The following KIAA1328 variants were observed in gnomAD, a reference collection of about 807,000 sequenced individuals.
KIAA1328 encodes the protein protein hinderin.
Under a neutral mutation model 68.1 loss-of-function variants are expected in KIAA1328, and 52 were observed. That is an observed-to-expected ratio of 0.76 (90% CI 0.61 to 0.96). The LOEUF (loss-of-function observed/expected upper bound fraction) is 0.96. Ranked by LOEUF, KIAA1328 falls within the 40% of genes least tolerant of loss-of-function variation. The pLI is 0.00. For missense variants in KIAA1328, 641 were observed against 677.6 expected, an observed-to-expected ratio of 0.95 and a Z score of 0.60; for synonymous variants, 232 against 239.4, an observed-to-expected ratio of 0.97 and a Z score of 0.28.
chr18:36,852,430 T>A (rs2047242603), intron 4 of KIAA1328, among the ~76,000 whole-genome samples: 1 of 152,196 alleles, frequency 6.6e-6, no homozygotes, highest in Admixed American at 6.5e-5. Context: ...GTTAGCAAAC[T>A]GACAAACTGC....
intron 5 of KIAA1328, among the ~76,000 whole-genome samples, chr18:36,933,289 T>TGCG (rs1556826189): frequency 3.9e-5 from 6 of 152,102 alleles, no homozygotes; most frequent in African/African-American, 1.4e-4. Flanking sequence ...AGCCCTGCTC[T>TGCG]GTGGTGGTGG....
rs1025799676 is a variant in KIAA1328, at chr18:37,030,023, C to T, written c.577-36867C>T. On this transcript the variant is annotated intron_variant, in intron 6 of 9. Coordinates refer to ENST00000280020, the MANE Select transcript of KIAA1328 (RefSeq NM_020776.3). Reference sequence around the variant, plus strand: ...AGCATGCATAACATTCCTTTATTATCTTAATATCTGTGGCACTTGTATCTA... The same window carrying T: ...AGCATGCATAACATTCCTTTATTATTTTAATATCTGTGGCACTTGTATCTA... Among the ~76,000 whole-genome samples the T allele has an allele frequency of 3.2e-4, 48 of 152,184 alleles. 1 individual carries two copies. The highest frequency in any genetic ancestry group is 1.1e-3 in the African/African-American group (47 of 41,546).
At chr18:37,150,436 T>C (rs1265742495) in intron 7 of KIAA1328, among the ~76,000 whole-genome samples, 1 of 152,100 alleles carries the variant, frequency 6.6e-6, no homozygotes, top group Non-Finnish European at 1.5e-5. Context: ...CCTACCACAC[T>C]TGAGAACCAC....
In KIAA1328 at chr18:36,829,189, C is replaced by T. The variant is rs2046358136; in HGVS notation, c.51C>T (p.Ser17=). 2.0e-6 allele frequency: 3 copies of T among 1,531,418 alleles called. No individual in the cohort carries two copies. The highest frequency in any genetic ancestry group is 2.5e-5 in the East Asian group (1 of 39,332). 94.9% of individuals were successfully genotyped at this position (1,531,418 alleles called of 1,614,324 possible). ...PSRPSAAAFW[S]RDFSDEEQSV... ...GCCCCAGTGCCGCGGCGTTCTGGAG[C>T]CGGGACTGTATCCTTTGCCCGCCTG... Residue 17 remains serine (S), a synonymous_variant, in exon 1 of 10, where the codon AGC becomes AGT. Transcript: ENST00000280020.
intron 5 of KIAA1328, among the ~76,000 whole-genome samples, chr18:36,925,214 G>C (rs1376479383): frequency 6.6e-6 from 1 of 152,110 alleles, no homozygotes; most frequent in African/African-American, 2.4e-5. Context: ...TTTAAGGTAA[G>C]GAAATGGGAG....
chr18:37,002,255 G>A (rs1401756664), intron 6 of KIAA1328, among the ~76,000 whole-genome samples: 1 of 98,624 alleles, frequency 1.0e-5, no homozygotes, highest in Non-Finnish European at 1.9e-5. Flanking sequence ...TTTTGAGACA[G>A]TATCTCATTC....
intron 7 of KIAA1328, among the ~76,000 whole-genome samples, chr18:37,117,403 A>G (rs1183043691): frequency 1.3e-5 from 2 of 152,202 alleles, no homozygotes; most frequent in East Asian, 1.9e-4. Context: ...CAGGAAACCA[A>G]ACACCACATG....
At chr18:36,960,900 C>T (rs2051638728) in intron 6 of KIAA1328, among the ~76,000 whole-genome samples, 1 of 152,178 alleles carries the variant, frequency 6.6e-6, no homozygotes, top group South Asian at 2.1e-4. Context: ...AACCAGAGCT[C>T]CTCTTCTCCT....
At chr18:36,896,207 G>A (rs1032899885) in intron 5 of KIAA1328, among the ~76,000 whole-genome samples, 4 of 151,728 alleles carry the variant, frequency 2.6e-5, no homozygotes, top group Admixed American at 1.3e-4. Flanking sequence ...TTATTTTCTT[G>A]GTTGGGTGTT....
At chr18:36,933,770 C>T (rs2151158006) in intron 5 of KIAA1328, among the ~76,000 whole-genome samples, 1 of 152,324 alleles carries the variant, frequency 6.6e-6, no homozygotes, top group Middle Eastern at 3.4e-3. Flanking sequence ...CTGCATTGTA[C>T]ACACGCTCCT....
intron 6 of KIAA1328, among the ~76,000 whole-genome samples, chr18:37,055,278 G>A (rs1424889502): frequency 5.3e-5 from 8 of 152,290 alleles, no homozygotes; most frequent in Admixed American, 2.6e-4. Flanking sequence ...TCTAATTGGT[G>A]TCATATGACC....
chr18:37,067,262 G>C lies in KIAA1328; in HGVS notation c.949G>C (p.Asp317His), dbSNP rs1442065504. The C allele has an allele frequency of 1.2e-6, 2 of 1,613,976 alleles. No individual in the cohort carries two copies. Among genetic ancestry groups the C allele is most frequent in the South Asian group, 1.1e-5 (1 of 91,080 alleles). The change falls in exon 7 of 10, where the codon GAC (aspartate) becomes CAC (histidine). Residue 317 changes from aspartate to histidine, a missense_variant. By Grantham distance (81) the Asp-to-His change is moderately conservative (BLOSUM62 -1). Transcript: ENST00000280020. The stretch of plus-strand genomic sequence containing the variant: ...TAGACTTGCTGCAGATCGTGTTCAT[G>C]ACAGCCATCCTACAAACATGACCCC... ...GHRLAADRVHDSHPTNMTPQH... is the reference protein window; with the variant it reads ...GHRLAADRVHHSHPTNMTPQH...
At chr18:36,847,554 C>T (rs1039857415) in intron 4 of KIAA1328, among the ~76,000 whole-genome samples, 6 of 151,508 alleles carry the variant, frequency 4.0e-5, no homozygotes, top group Non-Finnish European at 8.9e-5. Flanking sequence ...GTCATTCTTC[C>T]TTAGTGAAGT....
chr18:37,003,806 G>A (rs989684939), intron 6 of KIAA1328, among the ~76,000 whole-genome samples: 1 of 151,962 alleles, frequency 6.6e-6, no homozygotes, highest in African/African-American at 2.4e-5. Context: ...CTTAAATGTG[G>A]CTTGCCAATT....
At chr18:37,168,719 T>C (rs1033526921) in intron 8 of KIAA1328, among the ~76,000 whole-genome samples, 2 of 152,148 alleles carry the variant, frequency 1.3e-5, no homozygotes, top group African/African-American at 4.8e-5. Context: ...ATTAGAATAG[T>C]TGGGGCCCCT....
intron 8 of KIAA1328, among the ~76,000 whole-genome samples, chr18:37,169,280 C>T (rs532873764): frequency 1.2e-4 from 19 of 152,018 alleles, no homozygotes; most frequent in African/African-American, 4.6e-4. Flanking sequence ...ATTCTTCAGC[C>T]TCAGACTCCT....
intron 5 of KIAA1328, among the ~76,000 whole-genome samples, chr18:36,933,162 T>C (rs1285622521): frequency 6.6e-6 from 1 of 152,148 alleles, no homozygotes; most frequent in Non-Finnish European, 1.5e-5. Context: ...ATTGAAGGTC[T>C]CTTGTTATAA....
At chr18:36,909,654 A>C (rs1046370191) in intron 5 of KIAA1328, among the ~76,000 whole-genome samples, 8 of 152,186 alleles carry the variant, frequency 5.3e-5, no homozygotes, top group Non-Finnish European at 8.8e-5. Context: ...ATACCCAGTA[A>C]TGGGTTGGCA....
intron 4 of KIAA1328, among the ~76,000 whole-genome samples, chr18:36,875,784 G>C (rs1008363168): frequency 2.6e-5 from 4 of 152,162 alleles, no homozygotes; most frequent in Non-Finnish European, 2.9e-5. Flanking sequence ...TCCCCAATCA[G>C]TATGATATTG....
Sources: gnomAD v4.1 joint callset for allele counts (sites outside exome capture counted in the v4.1 genomes callset) on GRCh38, gnomAD v4.1.1 for gene constraint, MANE v1.5 for transcripts, NCBI Gene and HGNC (gene_info 2026-07-23, HGNC 2026-07-21) for gene names.